Variants in MBD5 observed in about 807,000 individuals in gnomAD.
MBD5 encodes methyl-CpG binding domain protein 5, also known as methyl-CpG-binding domain protein 5.
Under a neutral mutation model 117.3 loss-of-function variants are expected in MBD5, and 13 were observed. That is an observed-to-expected ratio of 0.11 (90% CI 0.07 to 0.18). MBD5 has a LOEUF of 0.18. Ranked by LOEUF, MBD5 falls within the 10% of genes least tolerant of loss-of-function variation. MBD5 has a pLI of 1.00. For synonymous variants in MBD5, 727 were observed against 766.4 expected (o/e 0.95, Z 0.85); for missense variants, 1,879 against 2,093.8 (o/e 0.90, Z 2.00).
At chr2:148,506,732 G>A (rs1466196350) in intron 12 of MBD5, among the ~76,000 whole-genome samples, 3 of 152,188 alleles carry the variant, frequency 2.0e-5, no homozygotes, top group Non-Finnish European at 4.4e-5. Context: ...AATTAGAAAT[G>A]TGATTATATG....
intron 3 of MBD5, among the ~76,000 whole-genome samples, chr2:148,274,118 A>T (rs1025225781): frequency 2.0e-5 from 3 of 151,918 alleles, no homozygotes; most frequent in Non-Finnish European, 4.4e-5. Flanking sequence ...TTTCTCTTTC[A>T]GTGTCAAGAG....
chr2:148,068,184 T>G (rs1250906102), intron 1 of MBD5, among the ~76,000 whole-genome samples: 8 of 152,120 alleles, frequency 5.3e-5, no homozygotes, highest in Non-Finnish European at 1.2e-4. Flanking sequence ...AAGTTGTACC[T>G]AAGCTGCGAT....
intron 3 of MBD5, among the ~76,000 whole-genome samples, chr2:148,245,338 G>T (rs1464339222): frequency 2.0e-5 from 3 of 152,090 alleles, no homozygotes; most frequent in Non-Finnish European, 4.4e-5. Context: ...CGATTCTCCT[G>T]CCTCAGCCTC....
At chr2:148,486,902 A>G (rs1462072126) in intron 10 of MBD5, among the ~76,000 whole-genome samples, 6 of 152,210 alleles carry the variant, frequency 3.9e-5, no homozygotes, top group African/African-American at 1.4e-4. Context: ...CAGATTTTTT[A>G]AATATCTTTT....
At chr2:148,228,453 G>A (rs985926287) in intron 2 of MBD5, among the ~76,000 whole-genome samples, 3 of 152,178 alleles carry the variant, frequency 2.0e-5, no homozygotes, top group Non-Finnish European at 2.9e-5. Flanking sequence ...GCATCCCAGG[G>A]ATGAAGCCCA....
intron 1 of MBD5, among the ~76,000 whole-genome samples, chr2:148,092,992 A>G (rs987540943): frequency 2.0e-5 from 3 of 151,566 alleles, no homozygotes; most frequent in African/African-American, 7.3e-5. Context: ...ATCTTGGCTG[A>G]CTGCAACTTC....
chr2:148,453,500 A>T (rs1293052968), intron 4 of MBD5, among the ~76,000 whole-genome samples: 1 of 152,116 alleles, frequency 6.6e-6, no homozygotes, highest in Non-Finnish European at 1.5e-5. Context: ...AGTCCTAAGT[A>T]TAAGATCTAT....
rs569472955 is a variant in MBD5 at position 148,485,551 on chromosome 2, A to G, written c.3545-191A>G. The G allele has an allele frequency of 2.0e-5, 12 of 589,514 alleles. No homozygotes were observed. The South Asian group carries it at 2.1e-4, about 10-fold the overall frequency. The allele number at this position is 589,514 out of a possible 1,614,324, so 36.5% of individuals were successfully genotyped here. A position where few individuals can be genotyped will look rare whatever the true frequency, so the allele number is the denominator to read the frequency against. The stretch of plus-strand genomic sequence containing the variant: ...GATGTAAAATTAAAAAACTAATTAT[A>G]CAAGATAAAACTAAATAATAAAGCT... On this transcript the variant is annotated intron_variant, in intron 9 of 13. Coordinates refer to ENST00000642680, the MANE Select transcript of MBD5 (RefSeq NM_001378120.1).
At chr2:148,038,022 C>T (rs1192545738) in intron 1 of MBD5, among the ~76,000 whole-genome samples, 1 of 151,880 alleles carries the variant, frequency 6.6e-6, no homozygotes, top group Non-Finnish European at 1.5e-5. Flanking sequence ...TTCATTCTCT[C>T]AATGTTTTGG....
chr2:148,229,755 C>T, intron 2 of MBD5, among the ~76,000 whole-genome samples: 1 of 152,160 alleles, frequency 6.6e-6, no homozygotes, highest in East Asian at 1.9e-4. Flanking sequence ...CTTACAGACT[C>T]ATAAAGGTAC....
At chr2:148,215,598 T>A (rs1247024327) in intron 2 of MBD5, among the ~76,000 whole-genome samples, 2 of 151,962 alleles carry the variant, frequency 1.3e-5, no homozygotes, top group East Asian at 3.9e-4. Flanking sequence ...CATACCTCAC[T>A]GCAGCCTGGA....
intron 11 of MBD5, among the ~76,000 whole-genome samples, chr2:148,499,539 T>C (rs1396866426): frequency 1.3e-5 from 2 of 152,204 alleles, no homozygotes; most frequent in African/African-American, 4.8e-5. Flanking sequence ...AAATAATTCA[T>C]GAAACTCCTG....
At chr2:148,230,707 G>A (rs988254598) in intron 2 of MBD5, among the ~76,000 whole-genome samples, 11 of 152,014 alleles carry the variant, frequency 7.2e-5, no homozygotes, top group Admixed American at 2.0e-4. Flanking sequence ...CCTCAATGTA[G>A]TACCTGGGTA....
At chr2:148,215,354 G>A (rs1699524854) in intron 2 of MBD5, among the ~76,000 whole-genome samples, 2 of 152,018 alleles carry the variant, frequency 1.3e-5, no homozygotes, top group South Asian at 2.1e-4. Flanking sequence ...ATTATCAAAA[G>A]GAGTAAACAA....
intron 1 of MBD5, chr2:148,056,070 C>T (rs558953677): frequency 3.9e-5 from 6 of 152,208 alleles, no homozygotes; most frequent in South Asian, 4.1e-4. Context: ...TCTACTTTAA[C>T]GTCTCTCAAA....
At chr2:148,133,292 T>A (rs1697094550) in intron 1 of MBD5, among the ~76,000 whole-genome samples, 1 of 152,174 alleles carries the variant, frequency 6.6e-6, no homozygotes. Context: ...ATTTAAGGCA[T>A]GTTAAGATAT....
chr2:148,108,418 G>A (rs1696423966), intron 1 of MBD5, among the ~76,000 whole-genome samples: 1 of 151,954 alleles, frequency 6.6e-6, no homozygotes, highest in East Asian at 1.9e-4. Flanking sequence ...ATAAATGTTT[G>A]CTACTGTTAT....
At chr2:148,397,232 T>A (rs1203203448) in intron 4 of MBD5, among the ~76,000 whole-genome samples, 14 of 152,074 alleles carry the variant, frequency 9.2e-5, no homozygotes, top group Non-Finnish European at 1.8e-4. Flanking sequence ...AGCAAACTGA[T>A]CATATGGTCA....
At chr2:148,197,071 C>T (rs182694688) in intron 2 of MBD5, among the ~76,000 whole-genome samples, 176 of 152,188 alleles carry the variant, frequency 1.2e-3, no homozygotes, top group Non-Finnish European at 1.2e-3. Context: ...ATTCCATTTC[C>T]CCTCCTCCTG....
Sources: allele counts gnomAD v4.1 joint callset (sites outside exome capture counted in the v4.1 genomes callset), GRCh38; gene constraint gnomAD v4.1.1; transcripts MANE v1.5; gene names NCBI Gene and HGNC (gene_info 2026-07-23, HGNC 2026-07-21).